CEP20: variants seen among roughly 807,000 people sequenced by gnomAD.
The protein encoded by CEP20 is centrosomal protein 20.
A neutral mutation model predicts 20.0 loss-of-function variants in CEP20; 18 were observed. The ratio of observed to expected loss-of-function variants is 0.90; its 90% CI spans 0.62 to 1.34. The LOEUF (loss-of-function observed/expected upper bound fraction) is 1.34. Among genes scored for constraint, CEP20 ranks in the 40% most tolerant of loss-of-function variants. The pLI, the probability that CEP20 is intolerant of heterozygous loss-of-function variation, is 0.00. For missense variants in CEP20, 215 were observed against 201.6 expected (o/e 1.07, Z -0.40); for synonymous variants, 77 against 73.7 (o/e 1.04, Z -0.23).
chr16:15,876,185 A>G (rs1313831008), intron 3 of CEP20, among the ~76,000 whole-genome samples: 2 of 146,814 alleles, frequency 1.4e-5, no homozygotes, highest in African/African-American at 2.5e-5. Context: ...TTTTTTTTTT[A>G]AAGAATTGAA....
intron 4 of CEP20, among the ~76,000 whole-genome samples, chr16:15,868,673 C>T (rs1262024605): frequency 6.6e-6 from 1 of 152,092 alleles, no homozygotes; most frequent in Non-Finnish European, 1.5e-5. Flanking sequence ...TAGTTCTCAG[C>T]TGCTTATTCT....
In CEP20 at chr16:15,873,542, G is replaced by A. The variant is rs1375349700; in HGVS notation, c.397C>T (p.Gln133Ter). 3.7e-6 allele frequency: 6 copies of A among 1,613,990 alleles called. No individual in the cohort carries two copies. Among genetic ancestry groups the A allele is most frequent in the Non-Finnish European group, 5.1e-6 (6 of 1,179,972 alleles). The change falls in exon 4 of 5, where the codon CAG (glutamine) becomes TAG (stop). Residue 133 changes from glutamine to a stop codon, truncating the protein, a stop_gained. Transcript: ENST00000255759. LOFTEE classifies it high-confidence loss of function. ...CTGCCAAGACTTGGGTCTGAAGGCTGAAGTGAAGGCCCTTTCAGAAATGCA... is the reference window on the plus strand; with the variant it reads ...CTGCCAAGACTTGGGTCTGAAGGCTAAAGTGAAGGCCCTTTCAGAAATGCA... Reference protein sequence around the residue: ...QNAFLKGPSLQPSDPSLGRQP... With the variant: ...QNAFLKGPSL
intron 2 of CEP20, 127 bp from the exon 3 acceptor site, chr16:15,880,015 A>G: frequency 1.6e-6 from 1 of 620,288 alleles, no homozygotes; most frequent in South Asian, 1.9e-5. Flanking sequence ...AACACACACC[A>G]AGACAGATCA....
intron 3 of CEP20, among the ~76,000 whole-genome samples, chr16:15,874,667 A>G (rs914170209): frequency 2.0e-5 from 3 of 152,164 alleles, no homozygotes; most frequent in African/African-American, 7.2e-5. Flanking sequence ...GTAGGTGTAT[A>G]TATTTGTGGG....
At chr16:15,878,601 A>AGCCTCCCTAGCAGCTTCTCCCTCC (rs2045013607) in intron 3 of CEP20, among the ~76,000 whole-genome samples, 1 of 151,572 alleles carries the variant, frequency 6.6e-6, no homozygotes, top group Non-Finnish European at 1.5e-5. Context: ...GGTTAAAGCG[A>AGCCTCCCTAGCAGCTTCTCCCTCC]TTCTCATGCC....
At chr16:15,885,696 G>A (rs896667008) in intron 1 of CEP20, 2 of 152,166 alleles carry the variant, frequency 1.3e-5, no homozygotes, top group Non-Finnish European at 2.9e-5. Context: ...CACTGGCCTC[G>A]TTGTTTTAAA....
chr16:15,879,435 G>A (rs762071535), intron 3 of CEP20, among the ~76,000 whole-genome samples: 1 of 152,084 alleles, frequency 6.6e-6, no homozygotes, highest in African/African-American at 2.4e-5. Flanking sequence ...ATCACTTGAG[G>A]TCAGGAGTTC....
chr16:15,877,995 G>A (rs552101610), intron 3 of CEP20, among the ~76,000 whole-genome samples: 12 of 152,030 alleles, frequency 7.9e-5, no homozygotes, highest in Admixed American at 5.2e-4. Flanking sequence ...AGGAGATTGC[G>A]GTGAGCTGAG....
rs1448336630 is a variant in CEP20, at chr16:15,870,180, C to A, written c.449-2664G>T. On this transcript the variant is annotated intron_variant, in intron 4 of 4. Coordinates refer to ENST00000255759, the MANE Select transcript of CEP20 (RefSeq NM_144600.4). ...AATAGTGTTCCTTATAACTTTCTTACTAGTCATGAGCCGTGAGTATTAACA... is the reference window on the plus strand; with the variant it reads ...AATAGTGTTCCTTATAACTTTCTTAATAGTCATGAGCCGTGAGTATTAACA... 3.3e-5 allele frequency among the ~76,000 whole-genome samples: 5 copies of A among 151,266 alleles called. No homozygotes were observed. The East Asian group carries it at 1.0e-3, about 30-fold the overall frequency.
intron 3 of CEP20, chr16:15,877,373 G>A (rs1477795260): frequency 1.3e-5 from 2 of 152,222 alleles, no homozygotes; most frequent in East Asian, 1.9e-4. Context: ...ATGATGTCTT[G>A]TATTAAATGA....
At chr16:15,867,865 C>G (rs566531502) in intron 4 of CEP20, among the ~76,000 whole-genome samples, 15 of 148,758 alleles carry the variant, frequency 1.0e-4, no homozygotes, top group Admixed American at 6.8e-5. Context: ...CCCAGCTACT[C>G]GGGAGGCTGA....
intron 1 of CEP20, among the ~76,000 whole-genome samples, chr16:15,886,544 T>C (rs924218524): frequency 6.6e-6 from 1 of 152,174 alleles, no homozygotes; most frequent in Non-Finnish European, 1.5e-5. Context: ...AGCCTCAAAC[T>C]GGACAGAGAA....
chr16:15,874,644 T>C (rs905715413), intron 3 of CEP20, among the ~76,000 whole-genome samples: 2 of 152,192 alleles, frequency 1.3e-5, no homozygotes, highest in African/African-American at 2.4e-5. Flanking sequence ...TTTTTAATTT[T>C]TGTGGGTACA....
chr16:15,884,245 A>C (rs2045186474), intron 1 of CEP20, 40 bp from the exon 2 acceptor site: 1 of 1,555,698 alleles, frequency 6.4e-7, no homozygotes. Context: ...TTACAGAGTA[A>C]ATTTGTCATT....
intron 1 of CEP20, chr16:15,885,900 T>G (rs2045233899): frequency 6.6e-6 from 1 of 152,206 alleles, no homozygotes; most frequent in South Asian, 2.1e-4. Flanking sequence ...TGTACATACT[T>G]AGTATAGATA....
chr16:15,868,454 A>G (rs1017580502), intron 4 of CEP20, among the ~76,000 whole-genome samples: 1 of 152,146 alleles, frequency 6.6e-6, no homozygotes, highest in African/African-American at 2.4e-5. Flanking sequence ...TAGAGACTTA[A>G]TATCCTAATG....
At chr16:15,883,115 A>C (rs2045149989) in intron 2 of CEP20, 1 of 152,268 alleles carries the variant, frequency 6.6e-6, no homozygotes, top group Non-Finnish European at 1.5e-5. Context: ...TAATCCCAGC[A>C]TTTGGGGAGT....
At chr16:15,869,673 C>G (rs1197423264) in intron 4 of CEP20, among the ~76,000 whole-genome samples, 1 of 151,748 alleles carries the variant, frequency 6.6e-6, no homozygotes, top group Non-Finnish European at 1.5e-5. Context: ...GTTGAATGAG[C>G]TTCTGTGGAG....
At chr16:15,881,326 C>T (rs902812240) in intron 2 of CEP20, among the ~76,000 whole-genome samples, 4 of 152,122 alleles carry the variant, frequency 2.6e-5, no homozygotes, top group Admixed American at 1.3e-4. Flanking sequence ...CAAGTCCCCA[C>T]TATTTTCATA....
Sources: gnomAD v4.1 joint callset for allele counts (sites outside exome capture counted in the v4.1 genomes callset) on GRCh38, gnomAD v4.1.1 for gene constraint, MANE v1.5 for transcripts, NCBI Gene and HGNC (gene_info 2026-07-23, HGNC 2026-07-21) for gene names.